LY75: variants seen among roughly 807,000 people sequenced by gnomAD.
The protein encoded by LY75 is lymphocyte antigen 75, also known as C-type lectin domain family 13 member B.
Under a neutral mutation model 231.7 loss-of-function variants are expected in LY75, and 185 were observed. The observed-to-expected ratio is 0.80, with a 90% CI of 0.71 to 0.90. The LOEUF is 0.90. LY75 is among the 40% of genes least tolerant of loss of function. LY75 has a pLI of 0.00. For synonymous variants in LY75, 668 were observed against 689.0 expected (o/e 0.97, Z 0.48); for missense variants, 1,947 against 2,050.2 (o/e 0.95, Z 0.97).
At chr2:159,887,835 T>C (rs1214297596) in intron 4 of LY75, among the ~76,000 whole-genome samples, 1 of 152,166 alleles carries the variant, frequency 6.6e-6, no homozygotes, top group African/African-American at 2.4e-5. Context: ...TCATGAGTTA[T>C]TAAAGAAAAC....
At chr2:159,857,125 A>G (rs1008126758) in intron 16 of LY75, among the ~76,000 whole-genome samples, 3 of 152,218 alleles carry the variant, frequency 2.0e-5, no homozygotes, top group African/African-American at 7.2e-5. Flanking sequence ...GTTTAATAAA[A>G]TAATCAAGAA....
intron 11 of LY75, 77 bp from the exon 12 acceptor site, chr2:159,875,720 C>T: frequency 2.6e-6 from 4 of 1,549,696 alleles, no homozygotes; most frequent in Non-Finnish European, 3.5e-6. Flanking sequence ...CTACTCTTTA[C>T]TTCAGCCAAG....
chr2:159,835,570 C>G lies in LY75; in HGVS notation c.3583G>C (p.Glu1195Gln), dbSNP rs752898621. 1.3e-5 allele frequency: 21 copies of G among 1,613,800 alleles called. 1 individual carries two copies. The South Asian group carries it at 2.2e-4, about 17-fold the overall frequency. The change falls in exon 26 of 35, where the codon GAA becomes CAA. Residue 1195 changes from glutamate to glutamine, a missense_variant. Glu to Gln is a conservative substitution (Grantham distance 29). Coordinates refer to ENST00000263636, the MANE Select transcript of LY75 (RefSeq NM_002349.4). ...SRWAETNGQL[E>Q]DCVVLDTDGF... ...TCAGTGTCTAATACTACACAGTCTT[C>G]GAGTTGCCCATTAGTTTCAGCCCAG...
intron 7 of LY75, among the ~76,000 whole-genome samples, chr2:159,881,726 T>C (rs1685441578): frequency 6.6e-6 from 1 of 152,162 alleles, no homozygotes; most frequent in African/African-American, 2.4e-5. Context: ...TCTTTAGCTT[T>C]CAAATAATTA....
intron 7 of LY75, 110 bp downstream of exon 7, chr2:159,882,014 G>A: frequency 7.7e-7 from 1 of 1,298,234 alleles, no homozygotes; most frequent in South Asian, 1.5e-5. Context: ...ATCTGACAGG[G>A]CTGATCTGTG....
At position 159,894,074 on chromosome 2, in the gene LY75, G is replaced by A; in HGVS notation, c.477C>T (p.Thr159=). The A allele has an allele frequency of 6.2e-7, 1 of 1,604,896 alleles. No homozygotes were observed. Among genetic ancestry groups the A allele is most frequent in the Non-Finnish European group, 8.5e-7 (1 of 1,175,786 alleles). Residue 159 remains threonine, a synonymous_variant, in exon 3 of 35, where the codon ACC becomes ACT. Coordinates refer to ENST00000263636, the MANE Select transcript of LY75 (RefSeq NM_002349.4). ...GTCTCCCATAAGAGTTCCCATCTCT[G>A]GTATAGATCTCTGGGTTGGAGAGGA... ...LCDQPYHEIY[T]RDGNSYGRPC...
chr2:159,807,138 G>C lies in LY75; in HGVS notation c.4825C>G (p.Gln1609Glu), dbSNP rs372509596. ...GATCCATCTAACCAACTCCAAGACT[G>C]GTCTGAAGAAAGAAATTAAATACAA... is the stretch of plus-strand genomic sequence containing the variant. Reference protein sequence around the residue: ...WLGLSQHSVDQSWSWLDGSEV... With the variant: ...WLGLSQHSVDESWSWLDGSEV... Residue 1609 changes from glutamine to glutamate, a missense_variant and splice_region_variant, in exon 34 of 35, where the codon CAG becomes GAG. By Grantham distance (29) the Gln-to-Glu change is conservative. Transcript: ENST00000263636. 6.2e-7 allele frequency: 1 copy of C among 1,605,192 alleles called. No individual in the cohort carries two copies. Among genetic ancestry groups the C allele is most frequent in the East Asian group, 2.2e-5 (1 of 44,616 alleles).
At chr2:159,875,342 G>T in intron 12 of LY75, 102 bp downstream of exon 12, 3 of 1,467,124 alleles carry the variant, frequency 2.0e-6, no homozygotes, top group Non-Finnish European at 1.8e-6. Flanking sequence ...CTTTAGTTAG[G>T]TTACATAGTA....
chr2:159,866,143 C>T (rs2125863792), intron 13 of LY75, among the ~76,000 whole-genome samples: 1 of 151,970 alleles, frequency 6.6e-6, no homozygotes, highest in Admixed American at 6.6e-5. Flanking sequence ...GGGTAGATTC[C>T]AAATCTAAAA....
intron 14 of LY75, among the ~76,000 whole-genome samples, chr2:159,863,013 C>CT: frequency 6.7e-6 from 1 of 150,292 alleles, no homozygotes; most frequent in African/African-American, 2.4e-5. Flanking sequence ...TCTATGAGAT[C>CT]CTTTTTTTTT....
At chr2:159,903,853 C>A (rs1574608820) in intron 1 of LY75, among the ~76,000 whole-genome samples, 2 of 152,328 alleles carry the variant, frequency 1.3e-5, no homozygotes, top group Admixed American at 1.3e-4. Flanking sequence ...CCCTGAACAT[C>A]AATGAAGGCT....
At chr2:159,846,889 T>C (rs886316385) in intron 23 of LY75, among the ~76,000 whole-genome samples, 5 of 152,222 alleles carry the variant, frequency 3.3e-5, no homozygotes, top group Non-Finnish European at 5.9e-5. Flanking sequence ...ATTTAACTTA[T>C]TGAAGTTTGT....
At chr2:159,878,859 A>T in intron 9 of LY75, 138 bp from the exon 10 acceptor site, 1 of 921,016 alleles carries the variant, frequency 1.1e-6, no homozygotes, top group East Asian at 2.7e-5. Context: ...CATACATGTG[A>T]TGAGGGTGGG....
At chr2:159,868,021 T>C (rs538443030) in intron 13 of LY75, among the ~76,000 whole-genome samples, 6 of 152,336 alleles carry the variant, frequency 3.9e-5, no homozygotes, top group African/African-American at 1.2e-4. Flanking sequence ...ATTCCTGCAA[T>C]AAAAAGCCAA....
chr2:159,874,279 ATTG>A (rs1685132378), intron 12 of LY75, among the ~76,000 whole-genome samples: 19 of 11,458 alleles, frequency 1.7e-3, no homozygotes, highest in African/African-American at 4.7e-3. Context: ...ATATAAATAT[ATTG>A]TAAATATATG....
At chr2:159,900,040 T>C (rs543585084) in intron 1 of LY75, among the ~76,000 whole-genome samples, 3 of 152,302 alleles carry the variant, frequency 2.0e-5, no homozygotes, top group East Asian at 3.9e-4. Flanking sequence ...ACCAAAGTGA[T>C]GGCTGATGAG....
At chr2:159,828,638 CA>C (rs1315146581) in intron 28 of LY75, among the ~76,000 whole-genome samples, 1 of 152,086 alleles carries the variant, frequency 6.6e-6, no homozygotes, top group Admixed American at 6.5e-5. Context: ...GGGGTTTACC[CA>C]AGAGAAATGG....
chr2:159,845,085 G>A (rs11897412), intron 23 of LY75, among the ~76,000 whole-genome samples: 7,187 of 152,112 alleles, frequency 0.047, 518 homozygotes, highest in African/African-American at 0.16. Context: ...AGCTAAAGTT[G>A]CCATTGTTAA....
At chr2:159,885,753 G>C (rs980069228) in intron 5 of LY75, among the ~76,000 whole-genome samples, 14 of 152,132 alleles carry the variant, frequency 9.2e-5, no homozygotes. Context: ...ATTAACTAAA[G>C]TGGCTAATTT....
Sources: allele counts gnomAD v4.1 joint callset (sites outside exome capture counted in the v4.1 genomes callset), GRCh38; gene constraint gnomAD v4.1.1; transcripts MANE v1.5; gene names NCBI Gene and HGNC (gene_info 2026-07-23, HGNC 2026-07-21).